GRIN2A: variants seen among roughly 807,000 people sequenced by gnomAD.
GRIN2A encodes glutamate receptor ionotropic, NMDA 2A.
Under a neutral mutation model 113.4 loss-of-function variants are expected in GRIN2A, and 22 were observed. The ratio of observed to expected loss-of-function variants is 0.19; its 90% CI spans 0.14 to 0.28. The LOEUF is 0.28. Among genes scored for constraint, GRIN2A ranks in the 10% least tolerant of loss-of-function variants. The pLI is 1.00. For missense variants in GRIN2A, 1,502 were observed against 1,887.0 expected (o/e 0.80, Z 3.78); for synonymous variants, 827 against 738.4 (o/e 1.12, Z -1.94).
rs114302122 is a variant in GRIN2A, at chr16:10,027,381, C to A, written c.415-88830G>T. 7.7e-3 allele frequency among the ~76,000 whole-genome samples: 1,177 copies of A among 152,308 alleles called. 17 individuals carry two copies. The highest frequency in any genetic ancestry group is 0.027 in the African/African-American group (1,108 of 41,568). On this transcript the variant is annotated intron_variant, in intron 2 of 12. Coordinates refer to ENST00000330684, the MANE Select transcript of GRIN2A (RefSeq NM_001134407.3). ...GAATATAGTGAATGTCCCCCCCTGC[C>A]AGTGCTCCAAGGAACGTTCATCCTG...
At chr16:9,825,845 A>C (rs1013906580) in intron 9 of GRIN2A, among the ~76,000 whole-genome samples, 2 of 152,112 alleles carry the variant, frequency 1.3e-5, no homozygotes, top group African/African-American at 4.8e-5. Flanking sequence ...GGGCTCATCC[A>C]CTGAGAGCAG....
chr16:10,022,501 T>C (rs1001816980), intron 2 of GRIN2A, among the ~76,000 whole-genome samples: 1 of 152,216 alleles, frequency 6.6e-6, no homozygotes, highest in Admixed American at 6.5e-5. Flanking sequence ...CTGATGCTAG[T>C]TTCATTTTCC....
intron 2 of GRIN2A, among the ~76,000 whole-genome samples, chr16:10,175,930 C>A (rs2050134503): frequency 6.6e-6 from 1 of 152,020 alleles, no homozygotes. Flanking sequence ...AATGGCCAAG[C>A]CAAGATAAGA....
chr16:10,074,338 A>T (rs2047825513), intron 2 of GRIN2A, among the ~76,000 whole-genome samples: 1 of 152,240 alleles, frequency 6.6e-6, no homozygotes, highest in African/African-American at 2.4e-5. Flanking sequence ...AAAGCTACAC[A>T]TAGAACTCCT....
At chr16:9,995,092 A>G (rs1567223677) in intron 2 of GRIN2A, among the ~76,000 whole-genome samples, 1 of 152,172 alleles carries the variant, frequency 6.6e-6, no homozygotes, top group Non-Finnish European at 1.5e-5. Flanking sequence ...AAATTCTTCA[A>G]TGTATTTCCT....
chr16:9,836,488 T>G (rs1439725796), intron 7 of GRIN2A, among the ~76,000 whole-genome samples: 2 of 152,208 alleles, frequency 1.3e-5, no homozygotes, highest in Non-Finnish European at 1.5e-5. Context: ...TGAACTTTTT[T>G]TGGTAGGTGC....
intron 2 of GRIN2A, among the ~76,000 whole-genome samples, chr16:9,992,225 T>C (rs1044981959): frequency 2.0e-5 from 3 of 152,162 alleles, no homozygotes; most frequent in African/African-American, 7.2e-5. Context: ...AGATAGGGAA[T>C]CAATCCAAGT....
chr16:9,948,992 G>A (rs1347516569), intron 2 of GRIN2A, among the ~76,000 whole-genome samples: 1 of 152,142 alleles, frequency 6.6e-6, no homozygotes, highest in Non-Finnish European at 1.5e-5. Flanking sequence ...GGGAGCTGGG[G>A]TATCTGTAAC....
chr16:10,113,023 G>A (rs950146964), intron 2 of GRIN2A: 7 of 297,620 alleles, frequency 2.4e-5, no homozygotes, highest in Non-Finnish European at 4.6e-5. Context: ...AGGAGGAGAG[G>A]TCCTGAAGGC....
chr16:10,018,289 A>C (rs1045561415), intron 2 of GRIN2A, among the ~76,000 whole-genome samples: 1 of 152,196 alleles, frequency 6.6e-6, no homozygotes, highest in Non-Finnish European at 1.5e-5. Flanking sequence ...GGTGGGTGTT[A>C]TAAGAATTCT....
chr16:9,922,099 T>G (rs1481877261), intron 3 of GRIN2A, among the ~76,000 whole-genome samples: 2 of 152,216 alleles, frequency 1.3e-5, no homozygotes, highest in Non-Finnish European at 2.9e-5. Flanking sequence ...ATTTGCCGTC[T>G]AATCTTTCTT....
chr16:9,955,087 C>T (rs2045274646), intron 2 of GRIN2A, among the ~76,000 whole-genome samples: 1 of 152,204 alleles, frequency 6.6e-6, no homozygotes, highest in African/African-American at 2.4e-5. Context: ...AGCCATTTGC[C>T]TGAGTCAAGG....
intron 2 of GRIN2A, among the ~76,000 whole-genome samples, chr16:10,116,150 TG>T (rs2048724645): frequency 6.6e-6 from 1 of 152,198 alleles, no homozygotes; most frequent in Admixed American, 6.5e-5. Context: ...TAAAAAGGAA[TG>T]AGATCACGTC....
intron 2 of GRIN2A, among the ~76,000 whole-genome samples, chr16:10,072,121 T>G (rs896916481): frequency 1.3e-5 from 2 of 152,200 alleles, no homozygotes; most frequent in Non-Finnish European, 2.9e-5. Flanking sequence ...GCTCCTTCAA[T>G]GAGCCCAGGA....
At chr16:10,055,050 A>C (rs1309265452) in intron 2 of GRIN2A, among the ~76,000 whole-genome samples, 1 of 53,218 alleles carries the variant, frequency 1.9e-5, no homozygotes, top group Non-Finnish European at 3.3e-5. Flanking sequence ...TCTATCTCAA[A>C]AAAAAAAAAA....
chr16:10,167,352 G>A (rs2049946320), intron 2 of GRIN2A, among the ~76,000 whole-genome samples: 1 of 152,148 alleles, frequency 6.6e-6, no homozygotes, highest in South Asian at 2.1e-4. Flanking sequence ...CAAGCTTCAA[G>A]GTGTCAGTGA....
At chr16:10,117,061 G>GAAA (rs111371826) in intron 2 of GRIN2A, among the ~76,000 whole-genome samples, 1 of 139,840 alleles carries the variant, frequency 7.2e-6, no homozygotes. Flanking sequence ...TCAAGTGACT[G>GAAA]AAAAAAAAAA....
At chr16:9,818,411 CTT>C (rs1227894464) in intron 10 of GRIN2A, among the ~76,000 whole-genome samples, 1 of 151,246 alleles carries the variant, frequency 6.6e-6, no homozygotes, top group African/African-American at 2.4e-5. Flanking sequence ...TGATGAAAGA[CTT>C]TTGAATTACG....
chr16:9,907,256 A>G (rs1347390835), intron 3 of GRIN2A, among the ~76,000 whole-genome samples: 1 of 152,260 alleles, frequency 6.6e-6, no homozygotes, highest in Non-Finnish European at 1.5e-5. Context: ...AGATCGTTGT[A>G]TGGATAAACA....
Sources: gnomAD v4.1 joint callset for allele counts (sites outside exome capture counted in the v4.1 genomes callset) on GRCh38, gnomAD v4.1.1 for gene constraint, MANE v1.5 for transcripts, NCBI Gene and HGNC (gene_info 2026-07-23, HGNC 2026-07-21) for gene names.